The following ALPL variants were observed in gnomAD, a reference collection of about 807,000 sequenced individuals.
ALPL encodes alkaline phosphatase, tissue-nonspecific isozyme.
In ALPL, 42 loss-of-function variants were observed where a neutral mutation model predicts 51.3. The ratio of observed to expected loss-of-function variants is 0.82; its 90% CI spans 0.64 to 1.06. ALPL has a LOEUF of 1.06. Ranked by LOEUF, ALPL falls within the 50% of genes least tolerant of loss-of-function variation. The pLI is 0.00. For synonymous variants in ALPL, 279 were observed against 296.4 expected, an observed-to-expected ratio of 0.94 and a Z score of 0.60; for missense variants, 589 against 709.4, an observed-to-expected ratio of 0.83 and a Z score of 1.93.
At position 21,576,609 on chromosome 1, in the gene ALPL, G is replaced by A; in HGVS notation, c.1277G>A (p.Gly426Asp). 1 of 1,613,944 alleles carries A rather than the reference G, an allele frequency of 6.2e-7. No individual in the cohort carries two copies. The highest frequency in any genetic ancestry group is 8.5e-7 in the Non-Finnish European group (1 of 1,179,928). ...GGGCCTGGCTACAAGGTGGTGGGCG[G>A]TGAACGAGAGAATGTCTCCATGGTG... ...GNGPGYKVVG[G>D]ERENVSMVDY... The change falls in exon 11 of 12, where the codon GGT becomes GAT. Residue 426 changes from glycine to aspartate, a missense_variant. Transcript: ENST00000374840.
At chr1:21,536,701 G>A (rs959270904) in intron 1 of ALPL, among the ~76,000 whole-genome samples, 4 of 152,048 alleles carry the variant, frequency 2.6e-5, no homozygotes, top group Admixed American at 2.0e-4. Context: ...GGCGGGATCA[G>A]TCCCACCCAA....
At chr1:21,565,753 C>G (rs963491812) in intron 6 of ALPL, among the ~76,000 whole-genome samples, 4 of 151,668 alleles carry the variant, frequency 2.6e-5, no homozygotes, top group African/African-American at 4.9e-5. Flanking sequence ...ACCACCCCCC[C>G]AAAAGCCTCC....
intron 1 of ALPL, among the ~76,000 whole-genome samples, chr1:21,541,324 G>A (rs149758611): frequency 1.6e-4 from 24 of 152,302 alleles, no homozygotes; most frequent in African/African-American, 5.5e-4. Context: ...TTACAACAAC[G>A]CAGTGGCTTC....
intron 1 of ALPL, among the ~76,000 whole-genome samples, chr1:21,552,562 CTT>C (rs923221644): frequency 2.6e-5 from 4 of 151,566 alleles, no homozygotes; most frequent in African/African-American, 4.8e-5. Context: ...AGAAAAGAAA[CTT>C]TTAAAAAATT....
At chr1:21,537,289 C>T (rs557903834) in intron 1 of ALPL, among the ~76,000 whole-genome samples, 2 of 152,298 alleles carry the variant, frequency 1.3e-5, no homozygotes, top group East Asian at 1.9e-4. Context: ...GAATATTCAG[C>T]GAGGACTCTG....
chr1:21,553,209 T>A (rs1204103562), intron 1 of ALPL, among the ~76,000 whole-genome samples: 2 of 151,980 alleles, frequency 1.3e-5, no homozygotes, highest in East Asian at 1.9e-4. Context: ...ATATATTTTT[T>A]AAAAATTGTA....
chr1:21,513,318 G>C lies in ALPL; in HGVS notation c.-105+3801G>C, dbSNP rs1181568182. On this transcript the variant is annotated intron_variant, in intron 1 of 11. Coordinates refer to ENST00000374840, the MANE Select transcript of ALPL (RefSeq NM_000478.6). ...CTTAAGCTACATGATCTTTCCAAAG[G>C]CAACCACTCTCCTGAATTTGGTGTG... is the stretch of plus-strand genomic sequence containing the variant. 5.9e-5 allele frequency among the ~76,000 whole-genome samples: 9 copies of C among 152,090 alleles called. No individual in the cohort carries two copies. In the East Asian group the frequency reaches 1.7e-3, roughly 29 times the overall value.
In ALPL at chr1:21,537,561, C is replaced by G. The variant is rs570191008; in HGVS notation, c.-104-16417C>G. Among the ~76,000 whole-genome samples the G allele has an allele frequency of 1.7e-4, 26 of 152,294 alleles. No individual in the cohort carries two copies. The South Asian group carries it at 3.7e-3, about 22-fold the overall frequency. Reference sequence around the variant, plus strand: ...TTCCTGCAGCTCTCATTGCCAGAACCACCCCCCCCACCGCCATCCCCCTAC... The same window carrying G: ...TTCCTGCAGCTCTCATTGCCAGAACGACCCCCCCCACCGCCATCCCCCTAC... On this transcript the variant is annotated intron_variant, in intron 1 of 11. Transcript: ENST00000374840.
chr1:21,519,079 G>A (rs1440979611), intron 1 of ALPL, among the ~76,000 whole-genome samples: 1 of 152,222 alleles, frequency 6.6e-6, no homozygotes, highest in African/African-American at 2.4e-5. Flanking sequence ...AGGGAAAGGG[G>A]CTGTAGTGTA....
chr1:21,566,147 T>C (rs926230663), intron 6 of ALPL, among the ~76,000 whole-genome samples: 1 of 150,582 alleles, frequency 6.6e-6, no homozygotes, highest in Non-Finnish European at 1.5e-5. Flanking sequence ...TCTGCCTCTC[T>C]GAACCACTTG....
At chr1:21,557,824 C>T (rs1006759457) in intron 2 of ALPL, among the ~76,000 whole-genome samples, 2 of 152,076 alleles carry the variant, frequency 1.3e-5, no homozygotes, top group Non-Finnish European at 2.9e-5. Context: ...TATTTATACC[C>T]ATGTAACCGC....
Position 21,577,513 on chromosome 1 carries a change from C to T in ALPL, c.1440C>T (p.Val480=), listed in dbSNP as rs540139632. The stretch of plus-strand genomic sequence containing the variant: ...ACGGCGTCCACGAGCAGAACTACGT[C>T]CCCCACGTGATGGCGTATGCAGCCT... The part of the protein sequence containing the change: ...LLHGVHEQNY[V]PHVMAYAACI... Residue 480 remains valine, a synonymous_variant, in exon 12 of 12, where the codon GTC becomes GTT. Coordinates refer to ENST00000374840, the MANE Select transcript of ALPL (RefSeq NM_000478.6). The T allele has an allele frequency of 1.3e-5, 21 of 1,608,254 alleles. No homozygotes were observed. The East Asian group carries it at 4.7e-4, about 36-fold the overall frequency.
chr1:21,564,577 G>GTA lies in ALPL; in HGVS notation c.648+362_648+363dup. Among the ~76,000 whole-genome samples, 3 of 152,342 alleles carry GTA rather than the reference G, an allele frequency of 2.0e-5. No homozygotes were observed. Among genetic ancestry groups the GTA allele is most frequent in the Admixed American group, 2.0e-4 (3 of 15,294 alleles). ...TGCGTATTCACATGGTCACAGATGG[G>GTA]TACATATCTGTACACTCAACCACCA... is the stretch of plus-strand genomic sequence containing the variant. On this transcript the variant is annotated intron_variant, in intron 6 of 11. Coordinates refer to ENST00000374840, the MANE Select transcript of ALPL (RefSeq NM_000478.6). This position sits in a 1 kb window ranked among gnomAD's most constrained non-coding sequence, Gnocchi z 5.8.
intron 1 of ALPL, among the ~76,000 whole-genome samples, chr1:21,531,346 G>C (rs111785802): frequency 3.9e-5 from 6 of 152,284 alleles, no homozygotes; most frequent in African/African-American, 1.4e-4. Flanking sequence ...CTCCTGCCTT[G>C]GCTCCCAAAG....
rs768976020 is a variant in ALPL at position 21,573,796 on chromosome 1, G to A, written c.994G>A (p.Glu332Lys). Reference protein sequence around the residue: ...KNPKGFFLLVEGGRIDHGHHE... With the variant: ...KNPKGFFLLVKGGRIDHGHHE... Reference sequence around the variant, plus strand: ...CCCCAAAGGCTTCTTCTTGCTGGTGGAAGGTAGGGACCCCGGGTCTGCTGA... The same window carrying A: ...CCCCAAAGGCTTCTTCTTGCTGGTGAAAGGTAGGGACCCCGGGTCTGCTGA... The change falls in exon 9 of 12, where the codon GAA (glutamate) becomes AAA (lysine). Residue 332 changes from glutamate to lysine, a missense_variant. Glu to Lys is a moderately conservative substitution (Grantham distance 56, BLOSUM62 1). Transcript: ENST00000374840. 1 of 1,614,196 alleles carries A rather than the reference G, an allele frequency of 6.2e-7. No individual in the cohort carries two copies. The highest frequency in any genetic ancestry group is 8.5e-7 in the Non-Finnish European group (1 of 1,180,034).
chr1:21,544,849 A>G (rs1328774786), intron 1 of ALPL, among the ~76,000 whole-genome samples: 36 of 152,240 alleles, frequency 2.4e-4, no homozygotes, highest in Non-Finnish European at 5.9e-5. Context: ...GCTAAATGTG[A>G]TATCATCAAA....
chr1:21,533,934 AAAAGAAGAAGAAGAAG>A (rs762861914), intron 1 of ALPL, among the ~76,000 whole-genome samples: 1 of 132,256 alleles, frequency 7.6e-6, no homozygotes, highest in Non-Finnish European at 1.6e-5. Context: ...CAAAAAAAAA[AAAAGAAGAAGAAGAAG>A]AAGAAGAAGA....
At chr1:21,522,223 C>T (rs537521500) in intron 1 of ALPL, among the ~76,000 whole-genome samples, 13 of 152,260 alleles carry the variant, frequency 8.5e-5, no homozygotes, top group Non-Finnish European at 1.8e-4. Context: ...AGGCACACAC[C>T]ACCACGCCCA....
chr1:21,577,253 A>G, intron 11 of ALPL, 130 bp from the exon 12 acceptor site: 1 of 1,456,466 alleles, frequency 6.9e-7, no homozygotes, highest in South Asian at 1.1e-5. Flanking sequence ...TGACTTTCCC[A>G]CATTGAGCCT....
Sources: allele counts gnomAD v4.1 joint callset (sites outside exome capture counted in the v4.1 genomes callset), GRCh38; gene constraint gnomAD v4.1.1; non-coding constraint Gnocchi (gnomAD v3.1); transcripts MANE v1.5; gene names NCBI Gene and HGNC (gene_info 2026-07-23, HGNC 2026-07-21).